PRKAA1: variants seen among roughly 807,000 people sequenced by gnomAD.
The protein encoded by PRKAA1 is 5'-AMP-activated protein kinase catalytic subunit alpha-1.
PRKAA1 carries 23 observed loss-of-function variants against 56.9 expected under a neutral mutation model. That is an observed-to-expected ratio of 0.40 (90% confidence interval 0.29 to 0.57). The LOEUF is 0.57. Ranked by LOEUF, PRKAA1 falls within the 20% of genes least tolerant of loss-of-function variation. The pLI, the probability that PRKAA1 is intolerant of heterozygous loss-of-function variation, is 0.39. For missense variants in PRKAA1, 413 were observed against 679.7 expected (o/e 0.61, Z 4.36); for synonymous variants, 226 against 227.0 (o/e 1.00, Z 0.04).
chr5:40,794,355 T>C (rs1744838582), intron 1 of PRKAA1, among the ~76,000 whole-genome samples: 1 of 152,190 alleles, frequency 6.6e-6, no homozygotes, highest in African/African-American at 2.4e-5. Flanking sequence ...TTTTCTTACT[T>C]ATTTGTTTGA....
rs1398912021 is a variant in PRKAA1, at chr5:40,798,312, C to T, written c.-123G>A. ...CCGCCCTGCGCCGCCAGCCCAGGCC[C>T]CGCAGCCTACGTCGGGCGCAGACGC... On this transcript the variant is annotated 5_prime_UTR_variant, in exon 1 of 9. Coordinates refer to ENST00000397128, the MANE Select transcript of PRKAA1 (RefSeq NM_006251.6). The T allele has an allele frequency of 3.8e-6, 2 of 521,568 alleles. No individual in the cohort carries two copies. The highest frequency in any genetic ancestry group is 5.8e-6 in the Non-Finnish European group (2 of 346,550). 32.3% of individuals were successfully genotyped at this position (521,568 alleles called of 1,614,324 possible).
chr5:40,762,106 A>G lies in PRKAA1; in HGVS notation c.*672T>C, dbSNP rs1035363814. The G allele has an allele frequency of 2.0e-5, 3 of 152,140 alleles. No homozygotes were observed. Among genetic ancestry groups the G allele is most frequent in the African/African-American group, 4.8e-5 (2 of 41,374 alleles). 9.4% of individuals were successfully genotyped at this position (152,140 alleles called of 1,614,324 possible). ...GGCAACATAGTGAAACCCCGTCTAC[A>G]CTAAAAATACGAAAAATTAGCCGGG... On this transcript the variant is annotated 3_prime_UTR_variant, in exon 9 of 9. Coordinates refer to ENST00000397128, the MANE Select transcript of PRKAA1 (RefSeq NM_006251.6).
intron 1 of PRKAA1, among the ~76,000 whole-genome samples, chr5:40,786,278 C>T (rs1744480395): frequency 6.7e-6 from 1 of 149,956 alleles, no homozygotes; most frequent in African/African-American, 2.4e-5. Flanking sequence ...AAAGCAGCAG[C>T]AGCTGGAAGA....
chr5:40,781,063 AACT>A (rs1744248110), intron 1 of PRKAA1, among the ~76,000 whole-genome samples: 1 of 152,202 alleles, frequency 6.6e-6, no homozygotes, highest in Non-Finnish European at 1.5e-5. Flanking sequence ...AAAATGATGC[AACT>A]ATCTTTCATA....
At chr5:40,775,933 T>C (rs1469820644) in intron 2 of PRKAA1, among the ~76,000 whole-genome samples, 2 of 151,936 alleles carry the variant, frequency 1.3e-5, no homozygotes, top group African/African-American at 4.8e-5. Context: ...TAGAGAGAAA[T>C]AGGATGTAGA....
intron 1 of PRKAA1, among the ~76,000 whole-genome samples, chr5:40,793,090 A>G (rs1744783601): frequency 6.6e-6 from 1 of 152,112 alleles, no homozygotes; most frequent in African/African-American, 2.4e-5. Context: ...AGAAAAAGAA[A>G]AAAAAGAAAT....
At chr5:40,781,627 A>G (rs1744270380) in intron 1 of PRKAA1, among the ~76,000 whole-genome samples, 1 of 152,186 alleles carries the variant, frequency 6.6e-6, no homozygotes, top group African/African-American at 2.4e-5. Flanking sequence ...AATTAAACAA[A>G]TGAAAAAAAT....
intron 1 of PRKAA1, among the ~76,000 whole-genome samples, chr5:40,785,397 G>C (rs1255800733): frequency 6.6e-6 from 1 of 151,574 alleles, no homozygotes; most frequent in South Asian, 2.1e-4. Flanking sequence ...CTACCACCTC[G>C]CCCGGCTAAT....
chr5:40,792,287 C>A (rs1744747839), intron 1 of PRKAA1, among the ~76,000 whole-genome samples: 1 of 152,158 alleles, frequency 6.6e-6, no homozygotes, highest in Non-Finnish European at 1.5e-5. Flanking sequence ...AAAGTTCCTC[C>A]CTTTTTCTTC....
chr5:40,793,170 G>A (rs1744786520), intron 1 of PRKAA1, among the ~76,000 whole-genome samples: 1 of 151,842 alleles, frequency 6.6e-6, no homozygotes, highest in East Asian at 1.9e-4. Context: ...CTACCAAAGA[G>A]ACCATCTTCT....
rs753214385 is a variant in PRKAA1, at chr5:40,798,126, C to T, written c.64G>A (p.Val22Met). The T allele has an allele frequency of 3.7e-6, 6 of 1,608,212 alleles. No individual in the cohort carries two copies. The highest frequency in any genetic ancestry group is 3.3e-5 in the South Asian group (3 of 90,904). ...CCCAGAATGTAGTGGCCGATCTTCA[C>T]CCGCCCGTCGTGTTTCTGCTTCTCG... ...TAEKQKHDGR[V>M]KIGHYILGDT... The change falls in exon 1 of 9, where the codon GTG (valine) becomes ATG (methionine). Residue 22 changes from valine (V) to methionine (M), a missense_variant. This residue lies in a region of PRKAA1 where 61 missense variants were observed against 73.1 expected (regional missense o/e 0.83). Coordinates refer to ENST00000397128, the MANE Select transcript of PRKAA1 (RefSeq NM_006251.6).
Position 40,760,902 on chromosome 5 carries a change from ATTTC to A in PRKAA1, c.*1872_*1875del, listed in dbSNP as rs1328900053. 1 of 152,318 alleles carries A rather than the reference ATTTC, an allele frequency of 6.6e-6. No individual in the cohort carries two copies. The highest frequency in any genetic ancestry group is 1.5e-5 in the Non-Finnish European group (1 of 68,010). The allele number at this position is 152,318 out of a possible 1,614,324, so 9.4% of individuals were successfully genotyped here. A position where few individuals can be genotyped will look rare whatever the true frequency, so the allele number is the denominator to read the frequency against. ...GAAAATGATTAATACAAAAAAATCAATTTCTTAAAGTTAACATAAGGCAAATATA... is the reference window on the plus strand; with the variant it reads ...GAAAATGATTAATACAAAAAAATCAATTAAAGTTAACATAAGGCAAATATA... On this transcript the variant is annotated 3_prime_UTR_variant, in exon 9 of 9. Transcript: ENST00000397128.
intron 3 of PRKAA1, among the ~76,000 whole-genome samples, chr5:40,773,875 A>AG (rs1374498199): frequency 6.6e-6 from 1 of 152,194 alleles, no homozygotes; most frequent in East Asian, 1.9e-4. Flanking sequence ...AAGGACACCA[A>AG]GGCAGGGATA....
At chr5:40,777,315 G>A in intron 2 of PRKAA1, 130 bp downstream of exon 2, 2 of 1,067,840 alleles carry the variant, frequency 1.9e-6, no homozygotes, top group Non-Finnish European at 2.7e-6. Context: ...ACACAGCCTA[G>A]GAAGAAACTT....
At chr5:40,772,505 CAAACACCTT>C (rs1441344732) in intron 3 of PRKAA1, among the ~76,000 whole-genome samples, 1 of 149,980 alleles carries the variant, frequency 6.7e-6, no homozygotes, top group Non-Finnish European at 1.5e-5. Flanking sequence ...ATTTTAACAA[CAAACACCTT>C]AATTCATTTA....
At chr5:40,774,354 T>C (rs1418167790) in intron 3 of PRKAA1, among the ~76,000 whole-genome samples, 2 of 151,992 alleles carry the variant, frequency 1.3e-5, no homozygotes, top group Admixed American at 1.3e-4. Flanking sequence ...GTGAGGCAAA[T>C]AACAGCAGAC....
At chr5:40,763,316 T>C (rs1334447679) in intron 8 of PRKAA1, among the ~76,000 whole-genome samples, 1 of 152,194 alleles carries the variant, frequency 6.6e-6, no homozygotes, top group Non-Finnish European at 1.5e-5. Flanking sequence ...ATAAATATTA[T>C]TCTATAGCAA....
chr5:40,766,135 A>G (rs1743422393), intron 6 of PRKAA1, among the ~76,000 whole-genome samples: 1 of 152,222 alleles, frequency 6.6e-6, no homozygotes, highest in African/African-American at 2.4e-5. Context: ...TAAAATATAA[A>G]TTTTAGAGAA....
chr5:40,766,125 T>C (rs1743421968), intron 6 of PRKAA1, among the ~76,000 whole-genome samples: 4 of 152,202 alleles, frequency 2.6e-5, no homozygotes, highest in Non-Finnish European at 4.4e-5. Context: ...CTAGATATCT[T>C]AAAATATAAA....
Sources: allele counts gnomAD v4.1 joint callset (sites outside exome capture counted in the v4.1 genomes callset), GRCh38; gene constraint gnomAD v4.1.1; regional missense constraint gnomAD v4.1.1; transcripts MANE v1.5; gene names NCBI Gene and HGNC (gene_info 2026-07-23, HGNC 2026-07-21).